MAP3K21: variants seen among roughly 807,000 people sequenced by gnomAD.
MAP3K21 encodes mitogen-activated protein kinase kinase kinase MLK4.
In MAP3K21, 63 loss-of-function variants were observed where a neutral mutation model predicts 86.1. That is an observed-to-expected ratio of 0.73 (90% CI 0.60 to 0.90). The LOEUF is 0.90. MAP3K21 is among the 40% of genes least tolerant of loss of function. The pLI, the probability that MAP3K21 is intolerant of heterozygous loss-of-function variation, is 0.00. For missense variants in MAP3K21, 1,220 were observed against 1,367.7 expected, an observed-to-expected ratio of 0.89 and a Z score of 1.70; for synonymous variants, 558 against 564.8, an observed-to-expected ratio of 0.99 and a Z score of 0.17.
rs1383422945 is a variant in MAP3K21, at chr1:233,328,714, C to G, written c.686C>G (p.Ala229Gly). 25 of 1,390,184 alleles carry G rather than the reference C, an allele frequency of 1.8e-5. No individual in the cohort carries two copies. Among genetic ancestry groups the G allele is most frequent in the African/African-American group, 4.5e-5 (3 of 66,402 alleles). 86.1% of individuals were successfully genotyped at this position (1,390,184 alleles called of 1,614,324 possible). ...PDPRAPGPRRARRIPPHVLVN... is the reference protein window; with the variant it reads ...PDPRAPGPRRGRRIPPHVLVN... ...CCGCGCGCGCCCGGCCCCCGCCGCGCGCGCCGCATCCCTCCGCACGTGCTG... is the reference window on the plus strand; with the variant it reads ...CCGCGCGCGCCCGGCCCCCGCCGCGGGCGCCGCATCCCTCCGCACGTGCTG... Residue 229 changes from alanine (A) to glycine (G), a missense_variant, in exon 1 of 10, where the codon GCG becomes GGG. Physicochemically the swap from Ala to Gly is moderately conservative, Grantham distance 60. Transcript: ENST00000366624. The surrounding 1 kb of genome is among the most constrained non-coding windows in gnomAD (Gnocchi z 8.7).
intron 4 of MAP3K21, among the ~76,000 whole-genome samples, chr1:233,355,721 A>G (rs1456375485): frequency 6.6e-6 from 1 of 152,188 alleles, no homozygotes; most frequent in South Asian, 2.1e-4. Flanking sequence ...CCAGGTACCC[A>G]GTCTCAAGGG....
Position 233,328,448 on chromosome 1 carries a change from C to A in MAP3K21, c.420C>A (p.Arg140=), listed in dbSNP as rs1186152144. Residue 140 remains arginine (R), a synonymous_variant, in exon 1 of 10, where the codon CGC becomes CGA. Transcript: ENST00000366624. The surrounding 1 kb of genome is among the most constrained non-coding windows in gnomAD (Gnocchi z 8.7). The part of the protein sequence containing the change: ...IGAGGFGQVY[R]ATWQGQEVAV... ...CTGGGGGCTTCGGGCAGGTGTACCG[C>A]GCCACCTGGCAGGGCCAGGAGGTGG... The A allele has an allele frequency of 2.7e-6, 4 of 1,494,816 alleles. No individual in the cohort carries two copies. Among genetic ancestry groups the A allele is most frequent in the South Asian group, 1.3e-5 (1 of 79,022 alleles). 92.6% of individuals were successfully genotyped at this position (1,494,816 alleles called of 1,614,324 possible). A position where few individuals can be genotyped will look rare whatever the true frequency, so the allele number is the denominator to read the frequency against.
chr1:233,341,107 A>G (rs1445714516), intron 1 of MAP3K21, among the ~76,000 whole-genome samples: 3 of 152,228 alleles, frequency 2.0e-5, no homozygotes. Flanking sequence ...AAAAATCTTT[A>G]CTGAAGTCAC....
intron 1 of MAP3K21, among the ~76,000 whole-genome samples, chr1:233,329,890 C>A (rs1217160414): frequency 6.6e-6 from 1 of 152,166 alleles, no homozygotes; most frequent in Non-Finnish European, 1.5e-5. Flanking sequence ...GACTTAAATG[C>A]AAATCCTATG....
chr1:233,356,866 A>C (rs1309259246), intron 4 of MAP3K21, among the ~76,000 whole-genome samples: 1 of 152,254 alleles, frequency 6.6e-6, no homozygotes, highest in African/African-American at 2.4e-5. Context: ...GAAACAGTTA[A>C]GTTCCCACGA....
chr1:233,332,383 T>A (rs1292471418), intron 1 of MAP3K21, among the ~76,000 whole-genome samples: 1 of 151,764 alleles, frequency 6.6e-6, no homozygotes, highest in Admixed American at 6.6e-5. Context: ...CACGAATTCG[T>A]CAAGCAAAGA....
intron 8 of MAP3K21, among the ~76,000 whole-genome samples, chr1:233,378,559 G>A (rs1369368343): frequency 6.6e-6 from 1 of 152,232 alleles, no homozygotes; most frequent in Non-Finnish European, 1.5e-5. Flanking sequence ...GTATTTAGGT[G>A]AAGTGAGGAA....
intron 2 of MAP3K21, among the ~76,000 whole-genome samples, chr1:233,350,247 T>G (rs1470989438): frequency 6.6e-6 from 1 of 150,582 alleles, no homozygotes; most frequent in Non-Finnish European, 1.5e-5. Context: ...TTTTTTGTTG[T>G]TTTTTTTTCT....
At chr1:233,355,105 A>T in intron 4 of MAP3K21, 94 bp downstream of exon 4, 1 of 860,822 alleles carries the variant, frequency 1.2e-6, no homozygotes, top group South Asian at 2.1e-5. Flanking sequence ...ATTCAAAAAT[A>T]TCTTTAGATA....
At chr1:233,372,201 T>A in intron 6 of MAP3K21, 41 bp downstream of exon 6, 1 of 1,607,652 alleles carries the variant, frequency 6.2e-7, no homozygotes, top group Non-Finnish European at 8.5e-7. Flanking sequence ...TGTGTTGACT[T>A]CTCTCCTTTC....
chr1:233,334,713 T>C (rs1223398111), intron 1 of MAP3K21, among the ~76,000 whole-genome samples: 1 of 152,150 alleles, frequency 6.6e-6, no homozygotes, highest in Non-Finnish European at 1.5e-5. Context: ...TGATGGTTAT[T>C]GAGGAGTAGT....
At position 233,354,891 on chromosome 1, in the gene MAP3K21, G is replaced by A. The variant is rs1323737579; in HGVS notation, c.1191G>A (p.Gln397=). Reference sequence around the variant, plus strand: ...CATCGTTTGCCTTAATTCTCGAACAGTTGACTGCTATTGAAGGGGCAGTGA... The same window carrying A: ...CATCGTTTGCCTTAATTCTCGAACAATTGACTGCTATTGAAGGGGCAGTGA... ...IRPSFALILE[Q]LTAIEGAVMT... is the part of the protein sequence containing the mutation. Residue 397 remains glutamine, a synonymous_variant, in exon 4 of 10, where the codon CAG becomes CAA. Transcript: ENST00000366624. 1.2e-5 allele frequency: 19 copies of A among 1,614,030 alleles called. No individual in the cohort carries two copies. The highest frequency in any genetic ancestry group is 1.6e-5 in the Non-Finnish European group (19 of 1,179,928).
chr1:233,332,316 G>A (rs1662820302), intron 1 of MAP3K21, among the ~76,000 whole-genome samples: 1 of 152,112 alleles, frequency 6.6e-6, no homozygotes, highest in African/African-American at 2.4e-5. Context: ...GTAGAGTGGA[G>A]GATGGGGGTG....
chr1:233,346,399 A>G, intron 1 of MAP3K21, 43 bp from the exon 2 acceptor site: 1 of 1,493,612 alleles, frequency 6.7e-7, no homozygotes, highest in Non-Finnish European at 9.1e-7. Context: ...TGACAGAAAA[A>G]TTAAAAGAAT....
Position 233,352,922 on chromosome 1 carries a change from A to G in MAP3K21, c.987-885A>G, listed in dbSNP as rs547981323. Among the ~76,000 whole-genome samples, 55 of 152,370 alleles carry G rather than the reference A, an allele frequency of 3.6e-4. 2 individuals carry two copies. In the South Asian group the frequency reaches 0.011, roughly 32 times the overall value. ...TTGGATAGCAGAAGAGAATAAATAT[A>G]TACAATGCAGAAGACTCGTGCCTAT... is the stretch of plus-strand genomic sequence containing the variant. On this transcript the variant is annotated intron_variant, in intron 2 of 9. Coordinates refer to ENST00000366624, the MANE Select transcript of MAP3K21 (RefSeq NM_032435.3).
chr1:233,382,185 TGAAGC>T, intron 9 of MAP3K21, 115 bp from the exon 10 acceptor site: 1 of 886,156 alleles, frequency 1.1e-6, no homozygotes, highest in Admixed American at 2.7e-5. Context: ...TGTTTTTTGT[TGAAGC>T]TCATTTTAAA....
chr1:233,360,985 G>A (rs938493215), intron 4 of MAP3K21, among the ~76,000 whole-genome samples: 1 of 152,202 alleles, frequency 6.6e-6, no homozygotes, highest in Non-Finnish European at 1.5e-5. Flanking sequence ...CTAAGATTAA[G>A]TTTATCTGGA....
intron 6 of MAP3K21, chr1:233,373,198 A>G (rs1434292656): frequency 6.6e-6 from 1 of 152,202 alleles, no homozygotes; most frequent in Non-Finnish European, 1.5e-5. Flanking sequence ...CCGTACCTCA[A>G]ACCTTGCCTT....
intron 8 of MAP3K21, among the ~76,000 whole-genome samples, chr1:233,376,810 A>G (rs1663806244): frequency 6.6e-6 from 1 of 152,228 alleles, no homozygotes; most frequent in African/African-American, 2.4e-5. Flanking sequence ...TCAATTTAGT[A>G]TGGGAAATAT....
Sources: gnomAD v4.1 joint callset for allele counts (sites outside exome capture counted in the v4.1 genomes callset) on GRCh38, gnomAD v4.1.1 for gene constraint, Gnocchi (gnomAD v3.1) non-coding constraint, MANE v1.5 for transcripts, NCBI Gene and HGNC (gene_info 2026-07-23, HGNC 2026-07-21) for gene names.